Variants in OR1J2 observed in about 807,000 individuals in gnomAD.
OR1J2 encodes olfactory receptor family 1 subfamily J member 2.
For synonymous variants in OR1J2, 142 were observed against 99.7 expected (o/e 1.42, Z -2.52); for missense variants, 304 against 246.1 (o/e 1.24, Z -1.57).
At chr9:122,515,283 T>C (rs1828683564), downstream of OR1J2, among the ~76,000 whole-genome samples, 1 of 151,458 alleles carries the variant, frequency 6.6e-6, no homozygotes, top group South Asian at 2.1e-4. Flanking sequence ...GAGAAACCAG[T>C]CCATACTCCC....
the OR1J2 span, among the ~76,000 whole-genome samples, chr9:122,576,277 A>G: frequency 6.6e-6 from 1 of 152,002 alleles, no homozygotes; most frequent in African/African-American, 2.4e-5. Context: ...ACTGGAGTGC[A>G]GTGGCATGAG....
the OR1J2 span, among the ~76,000 whole-genome samples, chr9:122,469,866 G>C: frequency 2.0e-5 from 3 of 152,134 alleles, no homozygotes; most frequent in Non-Finnish European, 4.4e-5. Context: ...AGAGATCCGT[G>C]GAGCTTTGAA....
Position 122,511,410 on chromosome 9 carries a change from G to A in OR1J2, c.609G>A (p.Gly203=). The change falls in exon 1 of 1, where the codon GGG becomes GGA. Residue 203 remains glycine (G), a synonymous_variant. Coordinates refer to ENST00000335302, the MANE Select transcript of OR1J2 (RefSeq NM_054107.1). ...FLNELVMFTV[G]VVVITLPFMC... ...ATGAGCTGGTCATGTTCACAGTAGG[G>A]GTGGTGGTCATTACCCTGCCATTCA... 1 of 767,394 alleles carries A rather than the reference G, an allele frequency of 1.3e-6. No homozygotes were observed. Among genetic ancestry groups the A allele is most frequent in the Middle Eastern group, 2.3e-4 (1 of 4,354 alleles). The allele number at this position is 767,394 out of a possible 1,614,324, so 47.5% of individuals were successfully genotyped here. A position where few individuals can be genotyped will look rare whatever the true frequency, so the allele number is the denominator to read the frequency against.
the OR1J2 span, among the ~76,000 whole-genome samples, chr9:122,489,881 C>T: frequency 6.6e-6 from 1 of 152,226 alleles, no homozygotes; most frequent in East Asian, 1.9e-4. Context: ...GAATTAAAAA[C>T]GCAATTAATA....
At chr9:122,550,218 T>C in the OR1J2 span, among the ~76,000 whole-genome samples, 2 of 152,070 alleles carry the variant, frequency 1.3e-5, no homozygotes, top group Admixed American at 1.3e-4. Flanking sequence ...GTAGAAATGC[T>C]AAATAAACCA....
chr9:122,511,317 C>T lies in OR1J2; in HGVS notation c.516C>T (p.Asn172=), dbSNP rs772772739. Residue 172 remains asparagine (N), a synonymous_variant, in exon 1 of 1, where the codon AAC becomes AAT. Coordinates refer to ENST00000335302, the MANE Select transcript of OR1J2 (RefSeq NM_054107.1). ...LLTRLSFCAA[N]TIPHVFCDLA... Reference sequence around the variant, plus strand: ...CCCGGCTGTCTTTCTGTGCTGCGAACACCATCCCCCATGTCTTCTGTGACC... The same window carrying T: ...CCCGGCTGTCTTTCTGTGCTGCGAATACCATCCCCCATGTCTTCTGTGACC... 2.7e-6 allele frequency: 2 copies of T among 728,400 alleles called. No individual in the cohort carries two copies. Among genetic ancestry groups the T allele is most frequent in the Non-Finnish European group, 5.1e-6 (2 of 394,068 alleles). The allele number at this position is 728,400 out of a possible 1,614,324, so 45.1% of individuals were successfully genotyped here.
the OR1J2 span, among the ~76,000 whole-genome samples, chr9:122,564,934 A>G: frequency 6.6e-6 from 1 of 151,322 alleles, no homozygotes; most frequent in Non-Finnish European, 1.5e-5. Context: ...GGTCCATTAT[A>G]TTGATAACAT....
At chr9:122,460,211 A>G in the OR1J2 span, among the ~76,000 whole-genome samples, 1 of 151,738 alleles carries the variant, frequency 6.6e-6, no homozygotes, top group African/African-American at 2.4e-5. Flanking sequence ...ACACACATAT[A>G]TACATATTAT....
the OR1J2 span, chr9:122,526,328 T>C: frequency 2.9e-6 from 4 of 1,365,870 alleles, no homozygotes; most frequent in Non-Finnish European, 3.9e-6. Flanking sequence ...CAAGCCTATG[T>C]CTTTTCATTA....
At chr9:122,519,240 A>C in the OR1J2 span, 7 of 1,614,040 alleles carry the variant, frequency 4.3e-6, no homozygotes, top group Non-Finnish European at 5.9e-6. Context: ...GTTCTTGGGC[A>C]TGTACCTGAT....
the OR1J2 span, among the ~76,000 whole-genome samples, chr9:122,490,426 T>A: frequency 2.0e-5 from 3 of 152,238 alleles, no homozygotes; most frequent in African/African-American, 7.2e-5. Flanking sequence ...TATATCTGCA[T>A]TGCCATTTAC....
At chr9:122,506,884 G>C, upstream of OR1J2, among the ~76,000 whole-genome samples, 1 of 152,152 alleles carries the variant, frequency 6.6e-6, no homozygotes, top group East Asian at 1.9e-4. Flanking sequence ...CTTGGATCCT[G>C]ACATAGAAAA....
At chr9:122,458,272 A>G in the OR1J2 span, among the ~76,000 whole-genome samples, 1 of 152,198 alleles carries the variant, frequency 6.6e-6, no homozygotes, top group Non-Finnish European at 1.5e-5. Flanking sequence ...AATGTTTGAA[A>G]GGAATTTGTT....
chr9:122,448,254 T>C, the OR1J2 span, among the ~76,000 whole-genome samples: 1 of 152,194 alleles, frequency 6.6e-6, no homozygotes, highest in African/African-American at 2.4e-5. Flanking sequence ...GATATACACG[T>C]AGGCCAGATT....
the OR1J2 span, among the ~76,000 whole-genome samples, chr9:122,459,926 A>G: frequency 0.9 from 136,322 of 152,046 alleles, 61,371 homozygotes; most frequent in African/African-American, 0.97. Flanking sequence ...CCATTAAAAG[A>G]CGCTTTTAAT....
the OR1J2 span, among the ~76,000 whole-genome samples, chr9:122,502,025 C>G: frequency 5.3e-5 from 8 of 152,214 alleles, no homozygotes; most frequent in African/African-American, 1.9e-4. Context: ...TAACCGAGGA[C>G]TGATGGATAT....
chr9:122,504,560 G>T, the OR1J2 span, among the ~76,000 whole-genome samples: 1 of 152,156 alleles, frequency 6.6e-6, no homozygotes, highest in African/African-American at 2.4e-5. Flanking sequence ...GTGGTAAGAG[G>T]TGTGAGATAT....
the OR1J2 span, among the ~76,000 whole-genome samples, chr9:122,536,316 T>G: frequency 6.6e-6 from 1 of 152,114 alleles, no homozygotes; most frequent in Non-Finnish European, 1.5e-5. Flanking sequence ...TTAAAAACAG[T>G]TCAATGGCAT....
the OR1J2 span, among the ~76,000 whole-genome samples, chr9:122,454,283 C>T: frequency 2.5e-3 from 383 of 152,186 alleles, 2 homozygotes; most frequent in African/African-American, 8.8e-3. Context: ...TTTGGGAGGC[C>T]GAGGTGGGTG....
Sources: allele counts gnomAD v4.1 joint callset (sites outside exome capture counted in the v4.1 genomes callset), GRCh38; gene constraint gnomAD v4.1.1; transcripts MANE v1.5; gene names NCBI Gene and HGNC (gene_info 2026-07-23, HGNC 2026-07-21).